GNE: variants seen among roughly 807,000 people sequenced by gnomAD.
The protein encoded by GNE is bifunctional UDP-N-acetylglucosamine 2-epimerase/N-acetylmannosamine kinase.
GNE carries 41 observed loss-of-function variants against 61.8 expected under a neutral mutation model. The observed-to-expected ratio is 0.66, with a 90% CI of 0.52 to 0.86. The LOEUF (loss-of-function observed/expected upper bound fraction) is 0.86. Ranked by LOEUF, GNE falls within the 40% of genes least tolerant of loss-of-function variation. GNE has a pLI of 0.00. For missense variants in GNE, 608 were observed against 909.1 expected (o/e 0.67, Z 4.26); for synonymous variants, 264 against 326.4 (o/e 0.81, Z 2.06).
intron 3 of GNE, 67 bp downstream of exon 3, chr9:36,245,963 GA>G: frequency 8.1e-7 from 1 of 1,239,792 alleles, no homozygotes. Flanking sequence ...TTTCCAAAAG[GA>G]TTGAAATAGA....
chr9:36,229,179 T>TA, intron 5 of GNE, 71 bp from the exon 6 acceptor site: 1 of 867,690 alleles, frequency 1.2e-6, no homozygotes, highest in Non-Finnish European at 2.0e-6. Context: ...AAATTATCAG[T>TA]GTACTATGCT....
Position 36,267,573 on chromosome 9 carries a change from G to C in GNE, c.51+9321C>G, listed in dbSNP as rs541099121. On this transcript the variant is annotated intron_variant, in intron 1 of 11. Transcript: ENST00000396594. ...TAGTCAGGCGTGGTGGCAGGTGCCT[G>C]TAATCCTAGCTACTCGGGAAGCTTA... 1.1e-3 allele frequency among the ~76,000 whole-genome samples: 171 copies of C among 152,042 alleles called. 2 individuals are homozygous for C. Among genetic ancestry groups the C allele is most frequent in the Non-Finnish European group, 1.2e-3 (85 of 68,022 alleles).
chr9:36,272,578 G>T (rs185304510), intron 1 of GNE, among the ~76,000 whole-genome samples: 2 of 130,698 alleles, frequency 1.5e-5, no homozygotes, highest in Admixed American at 9.3e-5. Flanking sequence ...CCAAGATCGC[G>T]CCATTGCACT....
At chr9:36,267,716 A>C (rs936749877) in intron 1 of GNE, 1 of 150,288 alleles carries the variant, frequency 6.7e-6, no homozygotes, top group African/African-American at 2.5e-5. Flanking sequence ...AAACAAACAA[A>C]ATATATATAT....
chr9:36,245,548 C>T (rs1023741289), intron 3 of GNE, among the ~76,000 whole-genome samples: 3 of 151,552 alleles, frequency 2.0e-5, no homozygotes, highest in Non-Finnish European at 4.4e-5. Context: ...GTGGTCCACG[C>T]TTGCAATCCC....
intron 1 of GNE, among the ~76,000 whole-genome samples, chr9:36,249,736 T>C (rs1278417042): frequency 1.3e-5 from 2 of 151,624 alleles, no homozygotes; most frequent in African/African-American, 4.8e-5. Context: ...AAAAAAAAAT[T>C]AGCTGGGCGT....
chr9:36,267,021 G>C (rs147230098), intron 1 of GNE, among the ~76,000 whole-genome samples: 2 of 152,180 alleles, frequency 1.3e-5, no homozygotes, highest in Admixed American at 1.3e-4. Context: ...AGCCGAGATC[G>C]TGCCACTGCA....
chr9:36,222,711 C>T lies in GNE; in HGVS notation c.1633+66G>A, dbSNP rs531140874. 96 of 1,066,738 alleles carry T rather than the reference C, an allele frequency of 9.0e-5. No homozygotes were observed. The South Asian group carries it at 1.1e-3, about 12-fold the overall frequency. The allele number at this position is 1,066,738 out of a possible 1,614,324, so 66.1% of individuals were successfully genotyped here. A position where few individuals can be genotyped will look rare whatever the true frequency, so the allele number is the denominator to read the frequency against. On this transcript the variant is annotated intron_variant, in intron 9 of 11. Coordinates refer to ENST00000642385, the MANE Select transcript of GNE (RefSeq NM_005476.7). ...CTAAGGCAGAGTTGTAACCACCTGA[C>T]CATGTTGAAGACATGCTCCAATATA...
chr9:36,244,906 C>T (rs1307220288), intron 3 of GNE, among the ~76,000 whole-genome samples: 2 of 146,858 alleles, frequency 1.4e-5, no homozygotes, highest in Admixed American at 1.4e-4. Context: ...AGCCACTGCA[C>T]TACAGGCTAG....
At chr9:36,231,106 A>C (rs1829134565) in intron 5 of GNE, among the ~76,000 whole-genome samples, 1 of 113,062 alleles carries the variant, frequency 8.8e-6, no homozygotes, top group South Asian at 2.8e-4. Context: ...AGAGAGAGAA[A>C]GAGAAAGAAA....
intron 1 of GNE, among the ~76,000 whole-genome samples, chr9:36,275,363 T>C (rs1228372429): frequency 2.0e-5 from 3 of 152,160 alleles, no homozygotes; most frequent in Non-Finnish European, 4.4e-5. Context: ...ATGATGTGAT[T>C]GAAGACAATA....
chr9:36,222,184 C>T (rs941644013), intron 9 of GNE, among the ~76,000 whole-genome samples: 32 of 151,952 alleles, frequency 2.1e-4, no homozygotes, highest in South Asian at 4.2e-4. Context: ...TTTGGGAGGC[C>T]GAGGCGGGCG....
chr9:36,260,868 CAAAAAAAAAAAAA>C (rs745821430), upstream of GNE, among the ~76,000 whole-genome samples: 1 of 96,018 alleles, frequency 1.0e-5, no homozygotes, highest in Non-Finnish European at 2.0e-5. Context: ...GACTCTATCT[CAAAAAAAAAAAAA>C]AAAAAAAAAA....
intron 1 of GNE, chr9:36,276,801 T>C (rs1831277838): frequency 2.1e-6 from 2 of 960,772 alleles, no homozygotes; most frequent in Non-Finnish European, 3.3e-6. Flanking sequence ...AAACCAAAGC[T>C]TTCCTCTTCC....
At chr9:36,264,141 GT>G (rs931266656) in intron 1 of GNE, among the ~76,000 whole-genome samples, 2 of 151,384 alleles carry the variant, frequency 1.3e-5, no homozygotes, top group African/African-American at 2.4e-5. Flanking sequence ...ATTTTATTAT[GT>G]TTTTTTTGGA....
chr9:36,272,917 C>A (rs55792162), intron 1 of GNE, among the ~76,000 whole-genome samples: 9,255 of 37,796 alleles, frequency 0.24, 688 homozygotes, highest in Middle Eastern at 0.32. Context: ...AGTAAAAATA[C>A]AAAAAAAAAA....
Position 36,236,277 on chromosome 9 carries a change from T to C in GNE, c.769+555A>G, listed in dbSNP as rs181950411. On this transcript the variant is annotated intron_variant, in intron 4 of 11. Transcript: ENST00000642385. ...GTGCAGTGGCATGATCTCGGCTCACTGCAACCTCCACCTTCCAGGTTCAAG... is the reference window on the plus strand; with the variant it reads ...GTGCAGTGGCATGATCTCGGCTCACCGCAACCTCCACCTTCCAGGTTCAAG... Among the ~76,000 whole-genome samples the C allele has an allele frequency of 2.6e-3, 396 of 152,154 alleles. 1 individual carries two copies. Among genetic ancestry groups the C allele is most frequent in the Non-Finnish European group, 4.5e-3 (305 of 67,988 alleles).
chr9:36,234,769 T>TA (rs1317401002), intron 4 of GNE, among the ~76,000 whole-genome samples: 13 of 152,144 alleles, frequency 8.5e-5, no homozygotes, highest in Non-Finnish European at 7.4e-5. Flanking sequence ...CTAACCTGAC[T>TA]GGTTAGAAGG....
chr9:36,266,998 GA>G (rs1342024072), intron 1 of GNE, among the ~76,000 whole-genome samples: 2 of 152,160 alleles, frequency 1.3e-5, no homozygotes, highest in Non-Finnish European at 2.9e-5. Context: ...CCTGGGAGGC[GA>G]AGGTTACACT....
Sources: allele counts gnomAD v4.1 joint callset (sites outside exome capture counted in the v4.1 genomes callset), GRCh38; gene constraint gnomAD v4.1.1; transcripts MANE v1.5; gene names NCBI Gene and HGNC (gene_info 2026-07-23, HGNC 2026-07-21).